The following STARD13 variants were observed in gnomAD, a reference collection of about 807,000 sequenced individuals.
STARD13 encodes the protein stAR-related lipid transfer protein 13.
A neutral mutation model predicts 106.4 loss-of-function variants in STARD13; 62 were observed. That is an observed-to-expected ratio of 0.58 (90% CI 0.48 to 0.72). STARD13 has a LOEUF of 0.72. Among genes scored for constraint, STARD13 ranks in the 30% least tolerant of loss-of-function variants. STARD13 has a pLI of 0.00. For missense variants in STARD13, 1,387 were observed against 1,424.0 expected (o/e 0.97, Z 0.42); for synonymous variants, 565 against 553.0 (o/e 1.02, Z -0.31).
chr13:33,131,581 T>C (rs1207002881), intron 4 of STARD13, among the ~76,000 whole-genome samples: 1 of 151,860 alleles, frequency 6.6e-6, no homozygotes, highest in Non-Finnish European at 1.5e-5. Flanking sequence ...AGACACTATC[T>C]CAAAAAAATA....
At chr13:33,411,006 C>T in the STARD13 span, among the ~76,000 whole-genome samples, 5 of 152,188 alleles carry the variant, frequency 3.3e-5, no homozygotes, top group Admixed American at 6.5e-5. Flanking sequence ...GGCTTTAAAG[C>T]AGTTTTTAAA....
chr13:33,119,959 T>C lies in STARD13; in HGVS notation c.2083-1696A>G, dbSNP rs140617337. 5.9e-3 allele frequency among the ~76,000 whole-genome samples: 896 copies of C among 152,266 alleles called. 45 individuals are homozygous for C. The highest frequency in any genetic ancestry group is 0.056 in the Admixed American group (861 of 15,300). ...AGAGAAAAAAATTCAAGATGTCAGG[T>C]GAGTGATTATTGGGGTGAGATCCAT... is the stretch of plus-strand genomic sequence containing the variant. On this transcript the variant is annotated intron_variant, in intron 7 of 13. Coordinates refer to ENST00000336934, the MANE Select transcript of STARD13 (RefSeq NM_178006.4).
chr13:33,129,346 G>A lies in STARD13; in HGVS notation c.1331C>T (p.Pro444Leu), dbSNP rs749453297. The A allele has an allele frequency of 2.5e-6, 4 of 1,614,144 alleles. No homozygotes were observed. The highest frequency in any genetic ancestry group is 3.4e-6 in the Non-Finnish European group (4 of 1,180,030). Residue 444 changes from proline to leucine, a missense_variant, in exon 5 of 14, where the codon CCC becomes CTC. By Grantham distance (98) the Pro-to-Leu change is moderately conservative. Coordinates refer to ENST00000336934, the MANE Select transcript of STARD13 (RefSeq NM_178006.4). Reference protein sequence around the residue: ...GREQVPGAREPRLMASCHRAS... With the variant: ...GREQVPGARELRLMASCHRAS... ...TCTGTGGCAGGACGCCATGAGCCGG[G>A]GCTCCCTGGCACCAGGGACCTGCTC...
the STARD13 span, among the ~76,000 whole-genome samples, chr13:33,589,793 G>A: frequency 2.0e-5 from 3 of 152,144 alleles, no homozygotes; most frequent in South Asian, 2.1e-4. Context: ...GGGGTGGAGA[G>A]CTCTGTAGAT....
the STARD13 span, among the ~76,000 whole-genome samples, chr13:33,444,529 G>A: frequency 2.6e-5 from 4 of 152,126 alleles, no homozygotes; most frequent in Admixed American, 2.0e-4. Context: ...ACTTTGGGAG[G>A]CCAAGGTGGG....
chr13:33,189,485 G>C (rs1224974599), intron 1 of STARD13, among the ~76,000 whole-genome samples: 1 of 148,346 alleles, frequency 6.7e-6, no homozygotes, highest in Non-Finnish European at 1.5e-5. Flanking sequence ...CTGGTTTGTC[G>C]TCCTTTCAAA....
the STARD13 span, among the ~76,000 whole-genome samples, chr13:33,458,067 A>T: frequency 1.3e-5 from 2 of 152,210 alleles, no homozygotes; most frequent in Non-Finnish European, 2.9e-5. Context: ...ACATGGTTAT[A>T]GTTTCTGTAA....
the STARD13 span, among the ~76,000 whole-genome samples, chr13:33,385,871 A>AC: frequency 2.0e-5 from 3 of 150,692 alleles, no homozygotes; most frequent in Admixed American, 1.3e-4. Flanking sequence ...AAACAAAAAA[A>AC]AAAAAATTAA....
chr13:33,617,781 G>C, the STARD13 span, among the ~76,000 whole-genome samples: 2 of 152,140 alleles, frequency 1.3e-5, no homozygotes, highest in Admixed American at 6.6e-5. Flanking sequence ...GCTTTACCTC[G>C]AAGAGCCCCC....
At chr13:33,233,644 C>T (rs1889038389) in intron 1 of STARD13, among the ~76,000 whole-genome samples, 1 of 152,258 alleles carries the variant, frequency 6.6e-6, no homozygotes, top group Non-Finnish European at 1.5e-5. Flanking sequence ...GGCTGTAACA[C>T]CAGCCCTTTG....
intron 1 of STARD13, among the ~76,000 whole-genome samples, chr13:33,175,347 C>A (rs1411178671): frequency 6.6e-6 from 1 of 152,158 alleles, no homozygotes; most frequent in Non-Finnish European, 1.5e-5. Context: ...AGTCAAGCAA[C>A]TGAAATGCAA....
At chr13:33,674,909 A>G in the STARD13 span, among the ~76,000 whole-genome samples, 2 of 152,186 alleles carry the variant, frequency 1.3e-5, no homozygotes, top group African/African-American at 4.8e-5. Flanking sequence ...CCTCACATAC[A>G]TAGTATTTGG....
the STARD13 span, among the ~76,000 whole-genome samples, chr13:33,564,047 C>G: frequency 2.8e-5 from 4 of 144,860 alleles, no homozygotes; most frequent in East Asian, 8.2e-4. Flanking sequence ...AAAAATTAGC[C>G]GGGTGTGGTG....
the STARD13 span, among the ~76,000 whole-genome samples, chr13:33,435,922 A>C: frequency 6.6e-6 from 1 of 152,214 alleles, no homozygotes; most frequent in Non-Finnish European, 1.5e-5. Flanking sequence ...GGTACACTCC[A>C]TATAGTACAT....
At chr13:33,597,295 AT>A in the STARD13 span, among the ~76,000 whole-genome samples, 2 of 151,238 alleles carry the variant, frequency 1.3e-5, no homozygotes, top group Non-Finnish European at 2.9e-5. Context: ...GACATTGAAT[AT>A]TTTTTTCATA....
At chr13:33,350,356 A>G in exon 1 of STARD13, 2 of 1,534,394 alleles carry the variant, frequency 1.3e-6, no homozygotes, top group Non-Finnish European at 8.7e-7. Context: ...GAGTCCCGCA[A>G]CTGCTCACTG....
At chr13:33,332,126 C>CCCTAAACCT (rs1366898026) in intron 1 of STARD13, among the ~76,000 whole-genome samples, 1 of 152,154 alleles carries the variant, frequency 6.6e-6, no homozygotes, top group Non-Finnish European at 1.5e-5. Context: ...GGCTACCTGT[C>CCCTAAACCT]GACCCCATTC....
At chr13:33,249,334 C>G (rs1343380283) in intron 1 of STARD13, among the ~76,000 whole-genome samples, 1 of 152,214 alleles carries the variant, frequency 6.6e-6, no homozygotes, top group Non-Finnish European at 1.5e-5. Flanking sequence ...AAGGCCTTGA[C>G]CTTACTTCTT....
intron 1 of STARD13, among the ~76,000 whole-genome samples, chr13:33,221,654 G>A (rs1481320219): frequency 6.6e-6 from 1 of 152,070 alleles, no homozygotes; most frequent in African/African-American, 2.4e-5. Context: ...TAAGACTTGT[G>A]GATCCCAGTG....
Sources: gnomAD v4.1 joint callset for allele counts (sites outside exome capture counted in the v4.1 genomes callset) on GRCh38, gnomAD v4.1.1 for gene constraint, MANE v1.5 for transcripts, NCBI Gene and HGNC (gene_info 2026-07-23, HGNC 2026-07-21) for gene names.